BRAF: variants seen among roughly 807,000 people sequenced by gnomAD.
The protein encoded by BRAF is serine/threonine-protein kinase B-raf.
A neutral mutation model predicts 104.6 loss-of-function variants in BRAF; 16 were observed. That is an observed-to-expected ratio of 0.15 (90% CI 0.10 to 0.23). The LOEUF is 0.23. Among genes scored for constraint, BRAF ranks in the 10% least tolerant of loss-of-function variants. The pLI, the probability that BRAF is intolerant of heterozygous loss-of-function variation, is 1.00. For missense variants in BRAF, 541 were observed against 937.3 expected (o/e 0.58, Z 5.52); for synonymous variants, 310 against 341.6 (o/e 0.91, Z 1.02).
intron 14 of BRAF, among the ~76,000 whole-genome samples, chr7:140,771,818 A>C (rs1429695310): frequency 6.6e-6 from 1 of 152,186 alleles, no homozygotes; most frequent in African/African-American, 2.4e-5. Flanking sequence ...AGGCACAGTA[A>C]GATGGTGGCT....
At chr7:140,748,534 T>G (rs1797534536) in intron 17 of BRAF, among the ~76,000 whole-genome samples, 1 of 152,194 alleles carries the variant, frequency 6.6e-6, no homozygotes, top group Non-Finnish European at 1.5e-5. Context: ...AGAGTTTATG[T>G]GGTCAACTAG....
intron 1 of BRAF, among the ~76,000 whole-genome samples, chr7:140,905,079 C>G (rs1161253687): frequency 6.6e-6 from 1 of 152,068 alleles, no homozygotes; most frequent in East Asian, 1.9e-4. Flanking sequence ...CAATTTTCCC[C>G]CCAAAATCCT....
At chr7:140,889,541 G>C (rs529638046) in intron 1 of BRAF, among the ~76,000 whole-genome samples, 1 of 152,098 alleles carries the variant, frequency 6.6e-6, no homozygotes, top group South Asian at 2.1e-4. Flanking sequence ...TTTAAGTCTG[G>C]AGACTACCGA....
chr7:140,788,619 T>G (rs963369071), intron 8 of BRAF, among the ~76,000 whole-genome samples: 2 of 152,096 alleles, frequency 1.3e-5, no homozygotes, highest in Admixed American at 6.6e-5. Context: ...GAGACTCAGT[T>G]GCTCTGTCGC....
rs1585897870 is a variant in BRAF at position 140,726,039 on chromosome 7, C to T, written c.*455G>A. 3 of 1,070,840 alleles carry T rather than the reference C, an allele frequency of 2.8e-6. No individual in the cohort carries two copies. The highest frequency in any genetic ancestry group is 1.6e-5 in the African/African-American group (1 of 61,210). The allele number at this position is 1,070,840 out of a possible 1,614,324, so 66.3% of individuals were successfully genotyped here. On this transcript the variant is annotated 3_prime_UTR_variant, in exon 20 of 20. Coordinates refer to ENST00000644969, the MANE Select transcript of BRAF (RefSeq NM_001374258.1). ...GTCACTAGGGGAAAGAGCTCCAAAA[C>T]AAAATTCCAGAACAGGAAAGAGAAC... is the stretch of plus-strand genomic sequence containing the variant.
chr7:140,820,328 C>T (rs975234408), intron 3 of BRAF, among the ~76,000 whole-genome samples: 1 of 151,960 alleles, frequency 6.6e-6, no homozygotes, highest in African/African-American at 2.4e-5. Flanking sequence ...ATTCTATGAC[C>T]CAATAATTAT....
chr7:140,742,583 A>G (rs1797018834), intron 17 of BRAF, among the ~76,000 whole-genome samples: 1 of 152,216 alleles, frequency 6.6e-6, no homozygotes, highest in African/African-American at 2.4e-5. Context: ...GAACCACTCA[A>G]GTGGAAGTGT....
At chr7:140,809,184 C>T (rs1586241868) in intron 3 of BRAF, among the ~76,000 whole-genome samples, 189 bp from the exon 4 acceptor site, 1 of 152,258 alleles carries the variant, frequency 6.6e-6, no homozygotes, top group Non-Finnish European at 1.5e-5. Flanking sequence ...TATTCACCAA[C>T]TTAAATCAAA....
At position 140,887,567 on chromosome 7, in the gene BRAF, A is replaced by C. The variant is rs1813718108; in HGVS notation, c.138+36999T>G. Among the ~76,000 whole-genome samples, 3 of 151,868 alleles carry C rather than the reference A, an allele frequency of 2.0e-5. No homozygotes were observed. In the South Asian group the frequency reaches 6.7e-4, roughly 34 times the overall value. ...CTGCAGTGACACAAATTGAACAATA[A>C]GTTACAATGTGATGGTCAAACAAGT... On this transcript the variant is annotated intron_variant, in intron 1 of 19. Transcript: ENST00000644969.
rs560652539 is a variant in BRAF at position 140,919,628 on chromosome 7, G to A, written c.138+4938C>T. On this transcript the variant is annotated intron_variant, in intron 1 of 19. Coordinates refer to ENST00000644969, the MANE Select transcript of BRAF (RefSeq NM_001374258.1). ...GATTTAGGCTGGAAAAATTGAAATC[G>A]AAAAATAAAAACATGGCAATGAAAA... Among the ~76,000 whole-genome samples, 120 of 151,612 alleles carry A rather than the reference G, an allele frequency of 7.9e-4. 1 individual carries two copies. Among genetic ancestry groups the A allele is most frequent in the South Asian group, 1.5e-3 (7 of 4,810 alleles).
At chr7:140,855,331 T>C (rs893833145) in intron 1 of BRAF, among the ~76,000 whole-genome samples, 15 of 152,134 alleles carry the variant, frequency 9.9e-5, no homozygotes, top group African/African-American at 3.6e-4. Context: ...AGAAAGTTAC[T>C]AAAAGATCTC....
intron 1 of BRAF, among the ~76,000 whole-genome samples, chr7:140,880,538 T>C (rs772961378): frequency 1.3e-4 from 20 of 152,202 alleles, no homozygotes; most frequent in Non-Finnish European, 2.6e-4. Context: ...ACAAACATTC[T>C]TAATGGCATC....
At position 140,819,849 on chromosome 7, in the gene BRAF, C is replaced by T. The variant is rs547024406; in HGVS notation, c.505-10854G>A. ...GGGAGGAATGGGAAGTGACTGCTAA[C>T]GGGTACAGTGTTTATTTTTGGGATG... is the stretch of plus-strand genomic sequence containing the variant. On this transcript the variant is annotated intron_variant, in intron 3 of 19. Coordinates refer to ENST00000644969, the MANE Select transcript of BRAF (RefSeq NM_001374258.1). Among the ~76,000 whole-genome samples the T allele has an allele frequency of 1.4e-4, 22 of 152,174 alleles. No homozygotes were observed. The South Asian group carries it at 4.6e-3, about 32-fold the overall frequency.
chr7:140,841,613 C>T (rs1807978253), intron 2 of BRAF, among the ~76,000 whole-genome samples: 1 of 152,066 alleles, frequency 6.6e-6, no homozygotes, highest in African/African-American at 2.4e-5. Flanking sequence ...GGAAACATTA[C>T]ATTAAGTAAA....
chr7:140,786,911 A>T (rs1294846054), intron 9 of BRAF, among the ~76,000 whole-genome samples: 1 of 152,256 alleles, frequency 6.6e-6, no homozygotes, highest in Non-Finnish European at 1.5e-5. Flanking sequence ...CCTTGGTAAG[A>T]TATTTTAAAA....
At chr7:140,793,816 G>A (rs1802242514) in intron 8 of BRAF, among the ~76,000 whole-genome samples, 1 of 152,078 alleles carries the variant, frequency 6.6e-6, no homozygotes, top group African/African-American at 2.4e-5. Flanking sequence ...TGGTAGAGAT[G>A]GGGTCTCACT....
chr7:140,903,730 A>G (rs1248967931), intron 1 of BRAF, among the ~76,000 whole-genome samples: 1 of 152,230 alleles, frequency 6.6e-6, no homozygotes, highest in Non-Finnish European at 1.5e-5. Context: ...CATAAAGAAC[A>G]TTTGTAATTC....
Position 140,723,488 on chromosome 7 carries a change from C to A in BRAF, c.*3006G>T. 1.9e-6 allele frequency: 2 copies of A among 1,053,590 alleles called. No individual in the cohort carries two copies. The highest frequency in any genetic ancestry group is 5.4e-5 in the East Asian group (1 of 18,638). 65.3% of individuals were successfully genotyped at this position (1,053,590 alleles called of 1,614,324 possible). On this transcript the variant is annotated 3_prime_UTR_variant, in exon 20 of 20. Transcript: ENST00000644969. ...CGGGAACCAGAATTTGACAGCTAGA[C>A]AGAATCTTCTTTTAAGGTGCACATT... is the stretch of plus-strand genomic sequence containing the variant.
intron 12 of BRAF, among the ~76,000 whole-genome samples, chr7:140,779,314 G>C (rs111718422): frequency 0.037 from 5,575 of 152,152 alleles, 157 homozygotes; most frequent in Non-Finnish European, 0.058. Flanking sequence ...ATGGCTCACT[G>C]CAGCCTTGAA....
Sources: gnomAD v4.1 joint callset for allele counts (sites outside exome capture counted in the v4.1 genomes callset) on GRCh38, gnomAD v4.1.1 for gene constraint, MANE v1.5 for transcripts, NCBI Gene and HGNC (gene_info 2026-07-23, HGNC 2026-07-21) for gene names.